HECTD4: variants seen among roughly 807,000 people sequenced by gnomAD.
The protein encoded by HECTD4 is probable E3 ubiquitin-protein ligase HECTD4.
Under a neutral mutation model 471.5 loss-of-function variants are expected in HECTD4, and 114 were observed. The ratio of observed to expected loss-of-function variants is 0.24; its 90% CI spans 0.21 to 0.28. The LOEUF (loss-of-function observed/expected upper bound fraction) is 0.28. Among genes scored for constraint, HECTD4 ranks in the 10% least tolerant of loss-of-function variants. The pLI, the probability that HECTD4 is intolerant of heterozygous loss-of-function variation, is 1.00. For missense variants in HECTD4, 3,866 were observed against 5,651.5 expected (o/e 0.68, Z 10.13); for synonymous variants, 2,012 against 2,256.0 (o/e 0.89, Z 3.07).
rs755402179 is a variant in HECTD4 at position 112,167,442 on chromosome 12, C to T, written c.12409G>A (p.Val4137Ile). ...GGCAGGAGGTCCAGGGGCAGCGGGACGTCTGCCCGAATTGCAATCCCCAGC... is the reference window on the plus strand; with the variant it reads ...GGCAGGAGGTCCAGGGGCAGCGGGATGTCTGCCCGAATTGCAATCCCCAGC... ...QLLGIAIRAD[V>I]PLPLDLLPSF... Residue 4137 changes from valine (V) to isoleucine (I), a missense_variant, in exon 72 of 76, where the codon GTC becomes ATC. By Grantham distance (29) the Val-to-Ile change is conservative. Coordinates refer to ENST00000682272, the MANE Select transcript of HECTD4 (RefSeq NM_001388303.1). 32 of 1,613,504 alleles carry T rather than the reference C, an allele frequency of 2.0e-5. No individual in the cohort carries two copies. Among genetic ancestry groups the T allele is most frequent in the African/African-American group, 2.7e-5 (2 of 74,942 alleles).
intron 1 of HECTD4, among the ~76,000 whole-genome samples, chr12:112,331,227 C>T (rs556821191): frequency 1.1e-4 from 16 of 152,274 alleles, no homozygotes; most frequent in Non-Finnish European, 2.1e-4. Flanking sequence ...CGTGCCACCA[C>T]GCCCAGCTAT....
At chr12:112,267,191 G>A (rs571332136) in intron 13 of HECTD4, 8 of 545,294 alleles carry the variant, frequency 1.5e-5, no homozygotes, top group Admixed American at 3.3e-5. Flanking sequence ...CTCCATGTGC[G>A]TCCCTCCCGA....
In HECTD4 at chr12:112,201,057, A is replaced by C. The variant is rs1477916261; in HGVS notation, c.8407-259T>G. The C allele has an allele frequency of 3.8e-6, 2 of 529,972 alleles. 1 individual carries two copies. The highest frequency in any genetic ancestry group is 6.5e-4 in the Middle Eastern group (2 of 3,096). The allele number at this position is 529,972 out of a possible 1,614,324, so 32.8% of individuals were successfully genotyped here. On this transcript the variant is annotated intron_variant, in intron 54 of 75. Coordinates refer to ENST00000682272, the MANE Select transcript of HECTD4 (RefSeq NM_001388303.1). ...TAAACTTGCTATGTGCTTTTCTAAG[A>C]AAATAACAAAATAACAAACATCAGA...
At position 112,246,882 on chromosome 12, in the gene HECTD4, G is replaced by C. The variant is rs1367961050; in HGVS notation, c.4513+19C>G. The C allele has an allele frequency of 9.4e-6, 15 of 1,602,484 alleles. No homozygotes were observed. The South Asian group carries it at 1.7e-4, about 18-fold the overall frequency. On this transcript the variant is annotated intron_variant, in intron 29 of 75. Coordinates refer to ENST00000682272, the MANE Select transcript of HECTD4 (RefSeq NM_001388303.1). ...GTTCATATAACAGAAGCCGATTAGG[G>C]GCTATCTTTGAGCAGTACCTGGTGT...
intron 66 of HECTD4, among the ~76,000 whole-genome samples, chr12:112,174,919 G>A (rs900728054): frequency 3.9e-5 from 6 of 152,172 alleles, no homozygotes; most frequent in Non-Finnish European, 5.9e-5. Flanking sequence ...GTGTGTGTGT[G>A]TATGTGCACA....
chr12:112,376,392 G>A (rs941890682), intron 1 of HECTD4, among the ~76,000 whole-genome samples: 1 of 151,870 alleles, frequency 6.6e-6, no homozygotes, highest in Non-Finnish European at 1.5e-5. Context: ...GACTACAGGC[G>A]CCCGCCACCA....
chr12:112,168,884 C>G (rs1482056802), intron 70 of HECTD4, among the ~76,000 whole-genome samples: 1 of 152,186 alleles, frequency 6.6e-6, no homozygotes, highest in Non-Finnish European at 1.5e-5. Context: ...GCCTAGGAGG[C>G]CTGCCCATAG....
At chr12:112,202,062 T>G (rs1173145521) in intron 54 of HECTD4, among the ~76,000 whole-genome samples, 1 of 152,186 alleles carries the variant, frequency 6.6e-6, no homozygotes. Context: ...AGTCAGAAGT[T>G]TGCATCAGAA....
At chr12:112,321,763 A>C (rs1340922278) in intron 1 of HECTD4, 1 of 152,196 alleles carries the variant, frequency 6.6e-6, no homozygotes, top group Non-Finnish European at 1.5e-5. Flanking sequence ...ACTAAAAAAA[A>C]AGTTCACAAT....
At chr12:112,379,712 A>AT (rs1015134462) in intron 1 of HECTD4, among the ~76,000 whole-genome samples, 75 of 142,868 alleles carry the variant, frequency 5.2e-4, no homozygotes, top group South Asian at 1.5e-3. Context: ...AAATAAAAAG[A>AT]TTTTTTATAT....
intron 54 of HECTD4, 112 bp from the exon 55 acceptor site, chr12:112,200,910 TG>T: frequency 1.1e-6 from 1 of 938,104 alleles, no homozygotes; most frequent in Non-Finnish European, 1.6e-6. Context: ...TGTGTGTGTG[TG>T]TATTTTCAGT....
At chr12:112,343,361 G>A (rs2036086767) in intron 1 of HECTD4, among the ~76,000 whole-genome samples, 1 of 152,188 alleles carries the variant, frequency 6.6e-6, no homozygotes, top group African/African-American at 2.4e-5. Flanking sequence ...GGTTCCAAAT[G>A]CAATTCAACA....
In HECTD4 at chr12:112,231,571, C is replaced by T. The variant is rs757084011; in HGVS notation, c.6142G>A (p.Asp2048Asn). Reference sequence around the variant, plus strand: ...GAAGTTTGGGCAGTTTTCTTTTTGTCGCCTGTGGATAGTCCACTCACAGTC... The same window carrying T: ...GAAGTTTGGGCAGTTTTCTTTTTGTTGCCTGTGGATAGTCCACTCACAGTC... ...PETVSGLSTG[D>N]KKKTAQTSIC... is the part of the protein sequence containing the mutation. The change falls in exon 39 of 76, where the codon GAC becomes AAC. Residue 2048 changes from aspartate to asparagine, a missense_variant. Asp to Asn is a conservative substitution (Grantham distance 23). Transcript: ENST00000682272. 17 of 1,614,002 alleles carry T rather than the reference C, an allele frequency of 1.1e-5. No individual in the cohort carries two copies. The highest frequency in any genetic ancestry group is 6.6e-5 in the South Asian group (6 of 91,070).
chr12:112,364,408 C>T (rs1489431195), intron 1 of HECTD4, among the ~76,000 whole-genome samples: 1 of 124,052 alleles, frequency 8.1e-6, no homozygotes, highest in Non-Finnish European at 1.6e-5. Context: ...CTCTCTCTCT[C>T]AAAAAAAAAA....
chr12:112,255,306 G>A (rs1206323277), intron 21 of HECTD4, among the ~76,000 whole-genome samples: 6 of 152,150 alleles, frequency 3.9e-5, no homozygotes, highest in Non-Finnish European at 1.5e-5. Context: ...TGCTAGGAGA[G>A]ATATGTTTCT....
At chr12:112,253,847 G>A (rs12309786) in intron 22 of HECTD4, among the ~76,000 whole-genome samples, 196 bp downstream of exon 22, 6,230 of 152,246 alleles carry the variant, frequency 0.041, 282 homozygotes, top group African/African-American at 0.11. Context: ...GGAGTGAACA[G>A]GGGTCTGATG....
rs2030728304 is a variant in HECTD4 at position 112,162,520 on chromosome 12, G to C, written c.13124C>G (p.Ser4375Cys). The C allele has an allele frequency of 6.2e-7, 1 of 1,613,824 alleles. No individual in the cohort carries two copies. Among genetic ancestry groups the C allele is most frequent in the African/African-American group, 1.3e-5 (1 of 74,920 alleles). The change falls in exon 76 of 76, where the codon TCC becomes TGC. Residue 4375 changes from serine (S) to cysteine (C), a missense_variant. Around this residue, in one of 16 missense-constraint regions of HECTD4, gnomAD observed 715 missense variants for 1,087.6 expected, o/e 0.66. Transcript: ENST00000682272. The surrounding 1 kb of genome is among the most constrained non-coding windows in gnomAD (Gnocchi z 5.2). ...CACGCGGATGTAGCGAGAGTCTGGG[G>C]AACCTACAAGAAACCGAGCCAGCAT... ...KIAPPDGTAG[S>C]PDSRYIRVET...
At chr12:112,277,384 G>A (rs912262885) in intron 9 of HECTD4, among the ~76,000 whole-genome samples, 11 of 152,076 alleles carry the variant, frequency 7.2e-5, no homozygotes, top group African/African-American at 1.9e-4. Context: ...TTTGCCTTCC[G>A]CCATGATTGT....
chr12:112,274,602 G>C (rs1229125383), intron 10 of HECTD4, among the ~76,000 whole-genome samples: 7 of 152,196 alleles, frequency 4.6e-5, no homozygotes, highest in Non-Finnish European at 1.0e-4. Context: ...AGTTACTCAG[G>C]AGGCTGAGAT....
Sources: gnomAD v4.1 joint callset for allele counts (sites outside exome capture counted in the v4.1 genomes callset) on GRCh38, gnomAD v4.1.1 for gene constraint, gnomAD v4.1.1 regional missense constraint, Gnocchi (gnomAD v3.1) non-coding constraint, MANE v1.5 for transcripts, NCBI Gene and HGNC (gene_info 2026-07-23, HGNC 2026-07-21) for gene names.